Variants in SV2C observed in about 807,000 individuals in gnomAD.
SV2C encodes the protein solute carrier family 22 member B3.
SV2C carries 49 observed loss-of-function variants against 79.7 expected under a neutral mutation model. The observed-to-expected ratio is 0.61, with a 90% CI of 0.49 to 0.78. The LOEUF is 0.78. Among genes scored for constraint, SV2C ranks in the 30% least tolerant of loss-of-function variants. SV2C has a pLI of 0.00. For synonymous variants in SV2C, 334 were observed against 333.2 expected, an observed-to-expected ratio of 1.00 and a Z score of -0.03; for missense variants, 833 against 912.9, an observed-to-expected ratio of 0.91 and a Z score of 1.13.
chr5:75,881,410 G>A, the SV2C span, among the ~76,000 whole-genome samples: 1 of 152,122 alleles, frequency 6.6e-6, no homozygotes, highest in Non-Finnish European at 1.5e-5. Flanking sequence ...TTTTTTACTA[G>A]GATACTTATT....
At chr5:76,223,491 A>ATATATATATG (rs1745145926) in intron 4 of SV2C, among the ~76,000 whole-genome samples, 15 of 37,450 alleles carry the variant, frequency 4.0e-4, no homozygotes, top group Non-Finnish European at 5.8e-4. Flanking sequence ...ATATATATAT[A>ATATATATATG]TATATGTATA....
At chr5:76,282,289 G>A (rs1447621355) in intron 4 of SV2C, among the ~76,000 whole-genome samples, 3 of 152,192 alleles carry the variant, frequency 2.0e-5, no homozygotes, top group Non-Finnish European at 2.9e-5. Context: ...AAGGAGAGAA[G>A]GGAAAAGAGA....
intron 1 of SV2C, among the ~76,000 whole-genome samples, chr5:76,087,439 A>C (rs1487252202): frequency 1.3e-5 from 2 of 152,218 alleles, no homozygotes; most frequent in Non-Finnish European, 2.9e-5. Flanking sequence ...ATTTATGACA[A>C]GTGAAACCAA....
chr5:76,165,239 T>C (rs1289030622), intron 2 of SV2C, among the ~76,000 whole-genome samples: 1 of 152,192 alleles, frequency 6.6e-6, no homozygotes, highest in East Asian at 1.9e-4. Flanking sequence ...CCAATGATAA[T>C]ATCTTACATA....
At chr5:75,926,237 TC>T in the SV2C span, among the ~76,000 whole-genome samples, 2 of 152,152 alleles carry the variant, frequency 1.3e-5, no homozygotes, top group African/African-American at 4.8e-5. Context: ...CAAACTCTCA[TC>T]TTTGAGCTTA....
chr5:75,869,100 A>C, the SV2C span, among the ~76,000 whole-genome samples: 2 of 152,032 alleles, frequency 1.3e-5, no homozygotes, highest in Non-Finnish European at 2.9e-5. Flanking sequence ...CACAGGTGGG[A>C]TACAGCACCA....
the SV2C span, among the ~76,000 whole-genome samples, chr5:76,014,751 C>T: frequency 8.5e-5 from 13 of 152,162 alleles, no homozygotes; most frequent in Non-Finnish European, 1.9e-4. Flanking sequence ...ACTTGATCAG[C>T]TTAACTTAAG....
At chr5:75,876,961 A>C in the SV2C span, among the ~76,000 whole-genome samples, 5 of 152,156 alleles carry the variant, frequency 3.3e-5, no homozygotes, top group Non-Finnish European at 5.9e-5. Context: ...TAACAACATT[A>C]AATGTGAATG....
chr5:76,122,187 A>G (rs1259863152), intron 1 of SV2C, among the ~76,000 whole-genome samples: 2 of 151,208 alleles, frequency 1.3e-5, no homozygotes, highest in African/African-American at 4.9e-5. Context: ...TTATTGGTGT[A>G]TAAGAATGCT....
the SV2C span, among the ~76,000 whole-genome samples, chr5:76,041,111 C>A: frequency 6.6e-6 from 1 of 152,086 alleles, no homozygotes; most frequent in African/African-American, 2.4e-5. Context: ...ATTCACTGGC[C>A]CATTCTTGTG....
At chr5:76,187,766 T>C (rs921292141) in intron 2 of SV2C, among the ~76,000 whole-genome samples, 44 of 144,698 alleles carry the variant, frequency 3.0e-4, no homozygotes, top group African/African-American at 1.1e-3. Flanking sequence ...AAAAAAAAAA[T>C]ATGTCTTAGG....
At chr5:76,258,902 A>T (rs1282785897) in intron 4 of SV2C, among the ~76,000 whole-genome samples, 2 of 152,200 alleles carry the variant, frequency 1.3e-5, no homozygotes, top group Non-Finnish European at 2.9e-5. Flanking sequence ...CATTTAAATA[A>T]AATATGGAGC....
chr5:76,036,296 G>C, the SV2C span, among the ~76,000 whole-genome samples: 14 of 151,736 alleles, frequency 9.2e-5, no homozygotes, highest in Non-Finnish European at 1.0e-4. Flanking sequence ...TATGATGTTA[G>C]CTGGTTATTT....
chr5:75,906,623 A>G, the SV2C span, among the ~76,000 whole-genome samples: 2 of 152,050 alleles, frequency 1.3e-5, no homozygotes, highest in African/African-American at 4.8e-5. Flanking sequence ...AATTTAACAG[A>G]TATTATTAGG....
the SV2C span, among the ~76,000 whole-genome samples, chr5:75,963,411 T>C: frequency 6.6e-6 from 1 of 152,162 alleles, no homozygotes; most frequent in Non-Finnish European, 1.5e-5. Flanking sequence ...TTCTGGTTTG[T>C]CCTTGTATGT....
At chr5:76,318,224 C>T (rs1177787976) in intron 12 of SV2C, among the ~76,000 whole-genome samples, 3 of 152,118 alleles carry the variant, frequency 2.0e-5, no homozygotes, top group Admixed American at 2.0e-4. Flanking sequence ...TCGAGACCAA[C>T]CTGGCCAACA....
chr5:76,251,675 C>T (rs1178523657), intron 4 of SV2C, among the ~76,000 whole-genome samples: 1 of 152,174 alleles, frequency 6.6e-6, no homozygotes, highest in African/African-American at 2.4e-5. Context: ...CCAGGTGATA[C>T]TCACTCTGCT....
the SV2C span, among the ~76,000 whole-genome samples, chr5:76,075,204 A>G: frequency 6.6e-6 from 1 of 152,172 alleles, no homozygotes; most frequent in Non-Finnish European, 1.5e-5. Flanking sequence ...AAAGTTCTAT[A>G]TGTCACATTC....
the SV2C span, among the ~76,000 whole-genome samples, chr5:75,891,639 G>T: frequency 6.6e-6 from 1 of 151,982 alleles, no homozygotes; most frequent in African/African-American, 2.4e-5. Flanking sequence ...GGAAAAACTT[G>T]AGTTATAACA....
Sources: gnomAD v4.1 joint callset for allele counts (sites outside exome capture counted in the v4.1 genomes callset) on GRCh38, gnomAD v4.1.1 for gene constraint, MANE v1.5 for transcripts, NCBI Gene and HGNC (gene_info 2026-07-23, HGNC 2026-07-21) for gene names.